The following TBC1D32 variants were observed in gnomAD, a reference collection of about 807,000 sequenced individuals.
The protein encoded by TBC1D32 is protein broad-minded.
A neutral mutation model predicts 170.3 loss-of-function variants in TBC1D32; 151 were observed. The ratio of observed to expected loss-of-function variants is 0.89; its 90% CI spans 0.78 to 1.01. The LOEUF is 1.01. TBC1D32 is among the 50% of genes least tolerant of loss of function. The pLI, the probability that TBC1D32 is intolerant of heterozygous loss-of-function variation, is 0.00. For missense variants in TBC1D32, 1,464 were observed against 1,457.1 expected, an observed-to-expected ratio of 1.00 and a Z score of -0.08; for synonymous variants, 498 against 488.0, an observed-to-expected ratio of 1.02 and a Z score of -0.27.
chr6:121,249,450 T>TAGA (rs1798020323), intron 17 of TBC1D32, among the ~76,000 whole-genome samples: 1 of 151,942 alleles, frequency 6.6e-6, no homozygotes, highest in Non-Finnish European at 1.5e-5. Context: ...GACATAGCAC[T>TAGA]AGAAGTTCTA....
intron 1 of TBC1D32, among the ~76,000 whole-genome samples, chr6:121,322,010 G>A (rs1809806097): frequency 6.6e-6 from 1 of 151,820 alleles, no homozygotes; most frequent in Admixed American, 6.6e-5. Context: ...CCACAGTAGG[G>A]AAAAGCAAAT....
intron 2 of TBC1D32, 116 bp from the exon 3 acceptor site, chr6:121,317,788 G>A (rs1343108152): frequency 4.1e-5 from 27 of 662,880 alleles, no homozygotes; most frequent in Non-Finnish European, 5.8e-5. Context: ...AGAACACAAT[G>A]CTAAGGAGAA....
At chr6:121,233,779 T>G (rs1170848500) in intron 20 of TBC1D32, among the ~76,000 whole-genome samples, 1 of 152,152 alleles carries the variant, frequency 6.6e-6, no homozygotes, top group Admixed American at 6.6e-5. Flanking sequence ...CTTGGTTTTT[T>G]TGTCATTGTG....
intron 10 of TBC1D32, among the ~76,000 whole-genome samples, chr6:121,295,750 C>A (rs765819869): frequency 5.3e-5 from 8 of 152,104 alleles, no homozygotes; most frequent in Middle Eastern, 3.2e-3. Context: ...GAAGCAAGTT[C>A]ATAATTGTAG....
chr6:121,288,998 G>A (rs1355032785), intron 12 of TBC1D32, among the ~76,000 whole-genome samples: 12 of 152,164 alleles, frequency 7.9e-5, no homozygotes, highest in African/African-American at 2.4e-4. Context: ...TTGATGGGAC[G>A]TATCTCAAAA....
intron 24 of TBC1D32, among the ~76,000 whole-genome samples, chr6:121,135,784 G>A (rs1287956535): frequency 2.0e-5 from 3 of 152,120 alleles, no homozygotes; most frequent in Non-Finnish European, 2.9e-5. Context: ...AAACAGAATG[G>A]AGAGTACTAG....
chr6:121,122,986 T>A (rs1373912769), intron 26 of TBC1D32, among the ~76,000 whole-genome samples: 2 of 152,156 alleles, frequency 1.3e-5, no homozygotes, highest in South Asian at 4.1e-4. Flanking sequence ...GGCAGAGGAA[T>A]GAGTGGGTTA....
At chr6:121,094,421 C>T (rs968768403) in intron 30 of TBC1D32, among the ~76,000 whole-genome samples, 7 of 152,052 alleles carry the variant, frequency 4.6e-5, no homozygotes, top group African/African-American at 1.7e-4. Context: ...TCCATCTCAG[C>T]CTCCCAAAGT....
chr6:121,124,075 T>C (rs78058183), intron 26 of TBC1D32, among the ~76,000 whole-genome samples: 5,257 of 152,166 alleles, frequency 0.035, 134 homozygotes, highest in Non-Finnish European at 0.05. Context: ...AGTTATCAGT[T>C]TTTAATAGTT....
Position 121,111,992 on chromosome 6 carries a change from T to TA in TBC1D32, c.3324+512dup, listed in dbSNP as rs1414979027. Among the ~76,000 whole-genome samples the TA allele has an allele frequency of 2.6e-5, 4 of 152,290 alleles. No homozygotes were observed. In the East Asian group the frequency reaches 7.7e-4, roughly 29 times the overall value. On this transcript the variant is annotated intron_variant, in intron 29 of 31. Transcript: ENST00000398212. ...TTATAAATTGATTGAAGGATATACT[T>TA]ACCTCTAAAGTAACCTCTGAGATTG...
chr6:121,318,088 C>G (rs1809183011), intron 2 of TBC1D32, among the ~76,000 whole-genome samples: 1 of 151,958 alleles, frequency 6.6e-6, no homozygotes, highest in Non-Finnish European at 1.5e-5. Flanking sequence ...CCCCCCTATC[C>G]TTTATTTTCT....
intron 22 of TBC1D32, among the ~76,000 whole-genome samples, chr6:121,203,518 T>C (rs948542393): frequency 3.3e-5 from 5 of 151,416 alleles, no homozygotes; most frequent in Non-Finnish European, 7.4e-5. Context: ...CAAGTAGATA[T>C]AAAGAAAGAC....
At chr6:121,277,701 T>C (rs1484922765) in intron 15 of TBC1D32, among the ~76,000 whole-genome samples, 2 of 151,554 alleles carry the variant, frequency 1.3e-5, no homozygotes, top group South Asian at 4.2e-4. Flanking sequence ...TCATGTAAGC[T>C]TCCACCATAG....
chr6:121,111,213 G>GA (rs771420305), intron 29 of TBC1D32, among the ~76,000 whole-genome samples: 6 of 152,052 alleles, frequency 3.9e-5, no homozygotes, highest in East Asian at 3.9e-4. Context: ...TTGATGTTAT[G>GA]AAAAAAAGTA....
At chr6:121,091,163 A>C (rs1030018520) in intron 30 of TBC1D32, 122 bp from the exon 31 acceptor site, 1 of 802,318 alleles carries the variant, frequency 1.2e-6, no homozygotes, top group Non-Finnish European at 1.9e-6. Flanking sequence ...ATCAAAATAC[A>C]AAGACAGTCT....
chr6:121,329,961 A>C (rs558396016), intron 1 of TBC1D32, among the ~76,000 whole-genome samples: 1 of 152,320 alleles, frequency 6.6e-6, no homozygotes, highest in Admixed American at 6.5e-5. Context: ...CTAGGAATGC[A>C]TTCATTAATT....
At chr6:121,186,039 G>A (rs1789165532) in intron 22 of TBC1D32, among the ~76,000 whole-genome samples, 2 of 152,110 alleles carry the variant, frequency 1.3e-5, no homozygotes, top group African/African-American at 4.8e-5. Context: ...GAGTAGAAGG[G>A]AAAATGATTT....
chr6:121,085,869 G>T (rs1466436192), intron 31 of TBC1D32, among the ~76,000 whole-genome samples: 1 of 152,016 alleles, frequency 6.6e-6, no homozygotes, highest in Non-Finnish European at 1.5e-5. Flanking sequence ...CTTAGTCTTG[G>T]CTAGGTTAAT....
At chr6:121,334,166 C>G (rs1362329289) in intron 1 of TBC1D32, 110 bp downstream of exon 1, 1 of 836,888 alleles carries the variant, frequency 1.2e-6, no homozygotes, top group Non-Finnish European at 1.8e-6. Flanking sequence ...AGTAAACCTC[C>G]AAGTTGGGCA....
Sources: gnomAD v4.1 joint callset for allele counts (sites outside exome capture counted in the v4.1 genomes callset) on GRCh38, gnomAD v4.1.1 for gene constraint, MANE v1.5 for transcripts, NCBI Gene and HGNC (gene_info 2026-07-23, HGNC 2026-07-21) for gene names.